Variants in OCM observed in about 807,000 individuals in gnomAD.
OCM encodes oncomodulin.
A neutral mutation model predicts 14.1 loss-of-function variants in OCM; 18 were observed. The ratio of observed to expected loss-of-function variants is 1.28; its 90% CI spans 0.88 to 1.89. OCM has a LOEUF of 1.89. Ranked by LOEUF, OCM falls within the 40% of genes most tolerant of loss-of-function variation. OCM has a pLI of 0.00. For missense variants in OCM, 140 were observed against 137.6 expected, an observed-to-expected ratio of 1.02 and a Z score of -0.09; for synonymous variants, 48 against 51.0, an observed-to-expected ratio of 0.94 and a Z score of 0.25.
At chr7:5,884,594 A>G (rs1332228360) in intron 3 of OCM, among the ~76,000 whole-genome samples, 1 of 151,806 alleles carries the variant, frequency 6.6e-6, no homozygotes, top group African/African-American at 2.4e-5. Flanking sequence ...TTTTCACTTG[A>G]TTTTGTCATG....
At chr7:5,874,417 A>G in the OCM span, among the ~76,000 whole-genome samples, 1 of 151,996 alleles carries the variant, frequency 6.6e-6, no homozygotes, top group Non-Finnish European at 1.5e-5. Context: ...TAAACAACAT[A>G]TCATTATGCA....
chr7:5,872,558 A>G, the OCM span, among the ~76,000 whole-genome samples: 39 of 152,320 alleles, frequency 2.6e-4, no homozygotes, highest in South Asian at 1.0e-3. Context: ...AGTTCATTCA[A>G]TGCACAAATG....
chr7:5,885,447 T>C (rs1210469195), intron 3 of OCM, among the ~76,000 whole-genome samples: 1 of 152,160 alleles, frequency 6.6e-6, no homozygotes, highest in East Asian at 1.9e-4. Context: ...ACTGAATTCA[T>C]GCATTATCAG....
chr7:5,881,128 C>G (rs925225391), intron 1 of OCM, among the ~76,000 whole-genome samples, 178 bp downstream of exon 1: 1 of 151,552 alleles, frequency 6.6e-6, no homozygotes, highest in Non-Finnish European at 1.5e-5. Flanking sequence ...ACCAGCCTGG[C>G]CAAGATGGTG....
intron 3 of OCM, among the ~76,000 whole-genome samples, chr7:5,884,478 GATA>G (rs1781293073): frequency 6.6e-6 from 1 of 152,132 alleles, no homozygotes; most frequent in Non-Finnish European, 1.5e-5. Flanking sequence ...CCGCCAAGGG[GATA>G]ATATTAAACA....
the OCM span, among the ~76,000 whole-genome samples, chr7:5,864,024 A>C: frequency 2.6e-5 from 4 of 151,966 alleles, no homozygotes; most frequent in African/African-American, 7.3e-5. Context: ...CAGGAATGCA[A>C]GAATGATCTG....
At chr7:5,866,200 C>A in the OCM span, among the ~76,000 whole-genome samples, 1 of 151,424 alleles carries the variant, frequency 6.6e-6, no homozygotes, top group Non-Finnish European at 1.5e-5. Flanking sequence ...TGGTGTGTGC[C>A]TGTAGTCCCA....
the OCM span, among the ~76,000 whole-genome samples, chr7:5,872,879 G>T: frequency 1.3e-5 from 2 of 151,906 alleles, no homozygotes; most frequent in Non-Finnish European, 2.9e-5. Flanking sequence ...AATAAATACT[G>T]AAAATAATAA....
chr7:5,865,242 C>G, the OCM span, among the ~76,000 whole-genome samples: 1 of 152,212 alleles, frequency 6.6e-6, no homozygotes, highest in African/African-American at 2.4e-5. Context: ...CTAATGAGAA[C>G]TTTGCCCAAA....
the OCM span, among the ~76,000 whole-genome samples, chr7:5,874,408 AAAC>A: frequency 0.039 from 5,900 of 152,170 alleles, 258 homozygotes; most frequent in African/African-American, 0.11. Context: ...ATGCAAATAT[AAAC>A]AACATATCAT....
intron 3 of OCM, 31 bp from the exon 4 acceptor site, chr7:5,886,033 A>G (rs746779832): frequency 6.2e-7 from 1 of 1,613,978 alleles, no homozygotes; most frequent in Middle Eastern, 1.7e-4. Flanking sequence ...AGCCACCTCC[A>G]CTGACCCTGT....
chr7:5,859,744 CTGGAGT>C, the OCM span, among the ~76,000 whole-genome samples: 1 of 152,040 alleles, frequency 6.6e-6, no homozygotes, highest in Non-Finnish European at 1.5e-5. Flanking sequence ...GTTGTCCAGG[CTGGAGT>C]GCAATGGCGT....
upstream of OCM, among the ~76,000 whole-genome samples, chr7:5,875,383 C>T (rs1781076182): frequency 6.6e-6 from 1 of 151,998 alleles, no homozygotes; most frequent in African/African-American, 2.4e-5. Flanking sequence ...GCTCAGATTG[C>T]ACATAATGGA....
chr7:5,866,223 G>A, the OCM span, among the ~76,000 whole-genome samples: 1 of 151,556 alleles, frequency 6.6e-6, no homozygotes. Context: ...TACTTTAGAG[G>A]TTGAGGTGAG....
chr7:5,860,756 GTA>G, the OCM span, among the ~76,000 whole-genome samples: 8 of 138,172 alleles, frequency 5.8e-5, no homozygotes, highest in East Asian at 6.5e-4. Context: ...ACATATATAC[GTA>G]TATATATATT....
chr7:5,883,467 T>A (rs1481910846), intron 2 of OCM, among the ~76,000 whole-genome samples: 1 of 152,056 alleles, frequency 6.6e-6, no homozygotes, highest in East Asian at 1.9e-4. Context: ...ATTGCTTGAG[T>A]GAGCCCAGGG....
At chr7:5,864,206 G>A in the OCM span, among the ~76,000 whole-genome samples, 1 of 151,812 alleles carries the variant, frequency 6.6e-6, no homozygotes, top group Admixed American at 6.6e-5. Flanking sequence ...AGGCATGGTG[G>A]TGCATGCCTG....
At chr7:5,865,445 C>A in the OCM span, among the ~76,000 whole-genome samples, 2 of 152,144 alleles carry the variant, frequency 1.3e-5, no homozygotes, top group Non-Finnish European at 2.9e-5. Flanking sequence ...AGAAAGAGAA[C>A]CCCAACTCAT....
the OCM span, among the ~76,000 whole-genome samples, chr7:5,860,396 A>G: frequency 6.9e-6 from 1 of 145,404 alleles, no homozygotes; most frequent in East Asian, 2.0e-4. Flanking sequence ...AGGTATATAT[A>G]CGTGTATATA....
Sources: allele counts gnomAD v4.1 joint callset (sites outside exome capture counted in the v4.1 genomes callset), GRCh38; gene constraint gnomAD v4.1.1; transcripts MANE v1.5; gene names NCBI Gene and HGNC (gene_info 2026-07-23, HGNC 2026-07-21).